Variants in KCNH7 observed in about 807,000 individuals in gnomAD.
KCNH7 encodes voltage-gated inwardly rectifying potassium channel KCNH7.
A neutral mutation model predicts 120.8 loss-of-function variants in KCNH7; 49 were observed. That is an observed-to-expected ratio of 0.41 (90% CI 0.32 to 0.51). KCNH7 has a LOEUF of 0.51. KCNH7 is among the 20% of genes least tolerant of loss of function. KCNH7 has a pLI of 0.38. For missense variants in KCNH7, 1,097 were observed against 1,446.6 expected (o/e 0.76, Z 3.92); for synonymous variants, 547 against 516.1 (o/e 1.06, Z -0.81).
chr2:162,721,294 C>T (rs1028343072), intron 2 of KCNH7, among the ~76,000 whole-genome samples: 1 of 152,038 alleles, frequency 6.6e-6, no homozygotes, highest in Non-Finnish European at 1.5e-5. Flanking sequence ...AACTTCATTA[C>T]AAAATTCCTA....
chr2:162,522,854 G>A (rs965547980), intron 3 of KCNH7, among the ~76,000 whole-genome samples: 11 of 151,634 alleles, frequency 7.3e-5, no homozygotes, highest in Non-Finnish European at 1.5e-4. Context: ...TATAATTATA[G>A]TAGTTATAAT....
At chr2:162,711,168 A>T (rs573324640) in intron 2 of KCNH7, among the ~76,000 whole-genome samples, 1 of 152,374 alleles carries the variant, frequency 6.6e-6, no homozygotes, top group African/African-American at 2.4e-5. Context: ...AATGTAGATT[A>T]CATAATAGTC....
rs139932640 is a variant in KCNH7 at position 162,815,976 on chromosome 2, C to T, written c.307+20561G>A. Among the ~76,000 whole-genome samples, 1,100 of 152,206 alleles carry T rather than the reference C, an allele frequency of 7.2e-3. 3 individuals carry two copies. The highest frequency in any genetic ancestry group is 0.011 in the Non-Finnish European group (779 of 67,996). On this transcript the variant is annotated intron_variant, in intron 2 of 15. Transcript: ENST00000332142. The stretch of plus-strand genomic sequence containing the variant: ...AAAATTTACTTAGAAATCTGCCTTA[C>T]GGCAGGGTGCAGTGGCCCACACCTA...
chr2:162,802,150 T>C (rs1684373181), intron 2 of KCNH7, among the ~76,000 whole-genome samples: 1 of 151,672 alleles, frequency 6.6e-6, no homozygotes, highest in South Asian at 2.1e-4. Flanking sequence ...TTGCAGATGG[T>C]GTTGGTTCTG....
chr2:162,822,134 AC>A (rs1410480035), intron 2 of KCNH7, among the ~76,000 whole-genome samples: 1 of 55,796 alleles, frequency 1.8e-5, no homozygotes, highest in Non-Finnish European at 5.5e-5. Flanking sequence ...ATTTTCAAAA[AC>A]CGCTGCTAAT....
intron 2 of KCNH7, among the ~76,000 whole-genome samples, chr2:162,596,302 C>T (rs996710231): frequency 2.6e-5 from 4 of 151,976 alleles, no homozygotes; most frequent in Non-Finnish European, 5.9e-5. Flanking sequence ...GATTTCAAAA[C>T]ATATTACCAA....
chr2:162,726,139 T>A (rs1416110962), intron 2 of KCNH7, among the ~76,000 whole-genome samples: 2 of 152,182 alleles, frequency 1.3e-5, no homozygotes, highest in Non-Finnish European at 2.9e-5. Context: ...TTTTCATCTA[T>A]AATTTTGATC....
intron 2 of KCNH7, among the ~76,000 whole-genome samples, chr2:162,545,965 C>A (rs968468238): frequency 3.3e-5 from 5 of 152,092 alleles, no homozygotes; most frequent in African/African-American, 1.2e-4. Context: ...GTGTTAGGGT[C>A]TTTTCATACT....
intron 2 of KCNH7, among the ~76,000 whole-genome samples, chr2:162,741,832 A>C (rs1688147628): frequency 6.6e-6 from 1 of 152,290 alleles, no homozygotes. Flanking sequence ...TACATAAGAT[A>C]CTGAAACTTT....
intron 2 of KCNH7, among the ~76,000 whole-genome samples, chr2:162,685,378 G>A (rs2105319644): frequency 6.6e-6 from 1 of 151,922 alleles, no homozygotes; most frequent in South Asian, 2.1e-4. Context: ...ATACGTTCTG[G>A]GAACTTAGCA....
chr2:162,599,918 T>C (rs1050155714), intron 2 of KCNH7, among the ~76,000 whole-genome samples: 3 of 152,104 alleles, frequency 2.0e-5, no homozygotes, highest in African/African-American at 7.2e-5. Flanking sequence ...GCTCAATTCA[T>C]CCATTTCAAA....
intron 7 of KCNH7, among the ~76,000 whole-genome samples, chr2:162,444,401 T>G (rs1229503281): frequency 1.3e-5 from 2 of 152,196 alleles, no homozygotes; most frequent in East Asian, 1.9e-4. Context: ...CAATTCTAGG[T>G]TTCAACAGTC....
At chr2:162,457,635 A>G (rs538128559) in intron 6 of KCNH7, among the ~76,000 whole-genome samples, 1 of 152,338 alleles carries the variant, frequency 6.6e-6, no homozygotes, top group South Asian at 2.1e-4. Context: ...AAAGTGCAAT[A>G]GAGAACGATT....
At chr2:162,393,107 G>A (rs180682819) in intron 12 of KCNH7, among the ~76,000 whole-genome samples, 2 of 152,086 alleles carry the variant, frequency 1.3e-5, no homozygotes, top group Admixed American at 1.3e-4. Flanking sequence ...AATAGGAGTT[G>A]TTGCCAGAGT....
At chr2:162,752,188 AC>A (rs1688574952) in intron 2 of KCNH7, among the ~76,000 whole-genome samples, 1 of 152,164 alleles carries the variant, frequency 6.6e-6, no homozygotes, top group South Asian at 2.1e-4. Flanking sequence ...ACAGGGTCAT[AC>A]TTTGAAATTA....
intron 2 of KCNH7, among the ~76,000 whole-genome samples, chr2:162,710,004 A>G (rs1686865365): frequency 6.6e-6 from 1 of 152,180 alleles, no homozygotes; most frequent in South Asian, 2.1e-4. Flanking sequence ...CTGCACATGA[A>G]TGAGCATCAA....
rs375612786 is a variant in KCNH7, at chr2:162,799,642, C to T, written c.307+36895G>A. Among the ~76,000 whole-genome samples, 3 of 151,722 alleles carry T rather than the reference C, an allele frequency of 2.0e-5. No individual in the cohort carries two copies. In the East Asian group the frequency reaches 5.8e-4, roughly 29 times the overall value. On this transcript the variant is annotated intron_variant, in intron 2 of 15. Coordinates refer to ENST00000332142, the MANE Select transcript of KCNH7 (RefSeq NM_033272.4). ...TAACAGTACATATATGATCAAGCTC[C>T]CCTCCACACTTTTCAAATTGTAGAA... is the stretch of plus-strand genomic sequence containing the variant.
chr2:162,682,417 C>G (rs1347217554), intron 2 of KCNH7, among the ~76,000 whole-genome samples: 1 of 147,144 alleles, frequency 6.8e-6, no homozygotes, highest in Admixed American at 6.8e-5. Flanking sequence ...GAGACAGAGA[C>G]AGAGAGAGAG....
At chr2:162,685,556 G>A (rs1685860670) in intron 2 of KCNH7, among the ~76,000 whole-genome samples, 1 of 152,028 alleles carries the variant, frequency 6.6e-6, no homozygotes, top group East Asian at 1.9e-4. Flanking sequence ...GCTCTATGAT[G>A]AAATCCCATT....
Sources: allele counts gnomAD v4.1 joint callset (sites outside exome capture counted in the v4.1 genomes callset), GRCh38; gene constraint gnomAD v4.1.1; transcripts MANE v1.5; gene names NCBI Gene and HGNC (gene_info 2026-07-23, HGNC 2026-07-21).